Variants in SEMA6D observed in about 807,000 individuals in gnomAD.
SEMA6D encodes the protein semaphorin 6D, also known as semaphorin-6D.
In SEMA6D, 35 loss-of-function variants were observed where a neutral mutation model predicts 106.6. The ratio of observed to expected loss-of-function variants is 0.33; its 90% confidence interval spans 0.25 to 0.44. The LOEUF (loss-of-function observed/expected upper bound fraction) is 0.44, where lower values mean the gene tolerates loss of function less well. SEMA6D is among the 20% of genes least tolerant of loss of function. SEMA6D has a pLI of 1.00. For missense variants in SEMA6D, 1,185 were observed against 1,345.9 expected (o/e 0.88, Z 1.87); for synonymous variants, 499 against 487.7 (o/e 1.02, Z -0.31).
intron 2 of SEMA6D, among the ~76,000 whole-genome samples, chr15:47,469,825 GTTA>G: frequency 6.6e-6 from 1 of 152,034 alleles, no homozygotes; most frequent in East Asian, 1.9e-4. Context: ...TATTAAAAGT[GTTA>G]TTATTTACTT....
rs1317400341 is a variant in SEMA6D, at chr15:47,771,241, C to G, written c.2678C>G (p.Pro893Arg). The change falls in exon 19 of 19, where the codon CCC (proline) becomes CGC (arginine). Residue 893 changes from proline (P) to arginine (R), a missense_variant. Pro to Arg is a moderately radical substitution (Grantham distance 103). This residue lies in a region of SEMA6D where 750 missense variants were observed against 783.5 expected (regional missense o/e 0.96). Transcript: ENST00000536845. Reference protein sequence around the residue: ...LKHLNDPNSNPKAIMGDIQMA... With the variant: ...LKHLNDPNSNRKAIMGDIQMA... ...CATCTGAATGACCCAAATAGTAACC[C>G]CAAAGCCATCATGGGAGACATCCAG... The G allele has an allele frequency of 6.2e-7, 1 of 1,614,034 alleles. No homozygotes were observed. Among genetic ancestry groups the G allele is most frequent in the Admixed American group, 1.7e-5 (1 of 60,016 alleles).
chr15:47,298,150 T>A (rs972405154), intron 1 of SEMA6D, among the ~76,000 whole-genome samples: 2 of 152,164 alleles, frequency 1.3e-5, no homozygotes, highest in Non-Finnish European at 2.9e-5. Context: ...AATGATGTGG[T>A]GAGAAGAAAC....
At chr15:47,617,327 C>T (rs1275720053) in intron 4 of SEMA6D, among the ~76,000 whole-genome samples, 1 of 152,078 alleles carries the variant, frequency 6.6e-6, no homozygotes, top group African/African-American at 2.4e-5. Flanking sequence ...TGAAAATTAG[C>T]GAGACTAAGG....
At position 47,574,151 on chromosome 15, in the gene SEMA6D, G is replaced by C. The variant is rs141109960; in HGVS notation, c.-86-26714G>C. 9.8e-3 allele frequency among the ~76,000 whole-genome samples: 1,489 copies of C among 152,300 alleles called. 10 individuals are homozygous for C. Among genetic ancestry groups the C allele is most frequent in the Admixed American group, 0.021 (318 of 15,294 alleles). ...TTGTGTACCTCTAGAAAATTCACTTGACTTTTGTCATCTGTAAAGATGAAA... is the reference window on the plus strand; with the variant it reads ...TTGTGTACCTCTAGAAAATTCACTTCACTTTTGTCATCTGTAAAGATGAAA... On this transcript the variant is annotated intron_variant, in intron 3 of 19. Coordinates refer to the SEMA6D transcript ENST00000558014.
At chr15:47,448,671 A>G (rs1026147363) in intron 2 of SEMA6D, among the ~76,000 whole-genome samples, 1 of 152,138 alleles carries the variant, frequency 6.6e-6, no homozygotes, top group Admixed American at 6.5e-5. Flanking sequence ...GGCTGCAGAA[A>G]GAGAATCAAA....
At chr15:47,578,608 G>A (rs78590244) in intron 3 of SEMA6D, among the ~76,000 whole-genome samples, 2,664 of 152,258 alleles carry the variant, frequency 0.017, 84 homozygotes, top group African/African-American at 0.061. Context: ...CAATCTAAAA[G>A]GAGTAACACA....
At chr15:47,593,597 A>G (rs1163399870) in intron 3 of SEMA6D, among the ~76,000 whole-genome samples, 1 of 152,054 alleles carries the variant, frequency 6.6e-6, no homozygotes, top group East Asian at 1.9e-4. Context: ...TTTGAGGGAA[A>G]AGATTCCAGG....
chr15:47,346,943 C>T (rs993319021), intron 1 of SEMA6D, among the ~76,000 whole-genome samples: 1 of 151,856 alleles, frequency 6.6e-6, no homozygotes, highest in Non-Finnish European at 1.5e-5. Flanking sequence ...TGGAGTCTCT[C>T]TGTCACCCAG....
intron 2 of SEMA6D, among the ~76,000 whole-genome samples, chr15:47,424,913 G>T (rs895366521): frequency 1.3e-5 from 2 of 152,106 alleles, no homozygotes; most frequent in Non-Finnish European, 2.9e-5. Flanking sequence ...AGGGAGGTGG[G>T]AGATGCAGGC....
chr15:47,490,281 A>G (rs1319942839), intron 3 of SEMA6D, among the ~76,000 whole-genome samples: 2 of 152,220 alleles, frequency 1.3e-5, no homozygotes, highest in Non-Finnish European at 2.9e-5. Context: ...TTATAAAATT[A>G]TAACATAAAA....
At chr15:47,196,606 A>T (rs1405866428) in intron 1 of SEMA6D, among the ~76,000 whole-genome samples, 1 of 152,180 alleles carries the variant, frequency 6.6e-6, no homozygotes, top group Non-Finnish European at 1.5e-5. Flanking sequence ...ACTTAAAGCA[A>T]ATCCTTTGGA....
At chr15:47,693,904 C>T (rs540498194) in intron 4 of SEMA6D, among the ~76,000 whole-genome samples, 2 of 152,166 alleles carry the variant, frequency 1.3e-5, no homozygotes, top group South Asian at 2.1e-4. Flanking sequence ...GATCGCACCA[C>T]GACACTCCAG....
At chr15:47,191,292 C>T (rs1595717886) in intron 1 of SEMA6D, among the ~76,000 whole-genome samples, 1 of 151,750 alleles carries the variant, frequency 6.6e-6, no homozygotes, top group Non-Finnish European at 1.5e-5. Flanking sequence ...AAAATATATA[C>T]AAATACAGTA....
chr15:47,602,689 G>T (rs2076688308), intron 4 of SEMA6D, among the ~76,000 whole-genome samples: 1 of 152,070 alleles, frequency 6.6e-6, no homozygotes, highest in Non-Finnish European at 1.5e-5. Flanking sequence ...CTGGCCTCTT[G>T]TCCTGAATCA....
intron 2 of SEMA6D, among the ~76,000 whole-genome samples, chr15:47,432,544 T>C (rs2041567060): frequency 1.3e-5 from 1 of 78,544 alleles, no homozygotes; most frequent in Non-Finnish European, 2.9e-5. Context: ...ACATATGTGT[T>C]ATGTGTATAT....
At chr15:47,613,812 G>A (rs944084835) in intron 4 of SEMA6D, among the ~76,000 whole-genome samples, 45 of 152,030 alleles carry the variant, frequency 3.0e-4, no homozygotes, top group African/African-American at 6.5e-4. Context: ...CCGCCACCAC[G>A]CCCAGCTAAT....
In SEMA6D at chr15:47,772,048, G is replaced by C; in HGVS notation, c.*263G>C. 1 of 461,564 alleles carries C rather than the reference G, an allele frequency of 2.2e-6. No homozygotes were observed. Among genetic ancestry groups the C allele is most frequent in the East Asian group, 3.4e-5 (1 of 29,208 alleles). The allele number at this position is 461,564 out of a possible 1,614,324, so 28.6% of individuals were successfully genotyped here. On this transcript the variant is annotated 3_prime_UTR_variant, in exon 19 of 19. Coordinates refer to ENST00000536845, the MANE Select transcript of SEMA6D (RefSeq NM_001358351.3). ...AAGCTAAAGAGATGTGTAGCTCACA[G>C]GGGCTACCTTACCAGTATAAAGAGC...
chr15:47,293,590 C>T (rs970232145), intron 1 of SEMA6D, among the ~76,000 whole-genome samples: 1 of 152,110 alleles, frequency 6.6e-6, no homozygotes, highest in Non-Finnish European at 1.5e-5. Flanking sequence ...AGGGCCTTTG[C>T]CATGATACTT....
intron 2 of SEMA6D, among the ~76,000 whole-genome samples, chr15:47,433,354 G>T (rs1350889737): frequency 5.3e-5 from 8 of 151,650 alleles, no homozygotes; most frequent in South Asian, 2.1e-4. Context: ...TTATATATTA[G>T]ACATATATCC....
Sources: allele counts gnomAD v4.1 joint callset (sites outside exome capture counted in the v4.1 genomes callset), GRCh38; gene constraint gnomAD v4.1.1; regional missense constraint gnomAD v4.1.1; transcripts MANE v1.5; gene names NCBI Gene and HGNC (gene_info 2026-07-23, HGNC 2026-07-21).